The following IQGAP2 variants were observed in gnomAD, a reference collection of about 807,000 sequenced individuals.
IQGAP2 encodes the protein IQ motif containing GTPase activating protein 2.
IQGAP2 carries 173 observed loss-of-function variants against 201.3 expected under a neutral mutation model. The ratio of observed to expected loss-of-function variants is 0.86; its 90% CI spans 0.76 to 0.98. IQGAP2 has a LOEUF of 0.98. Among genes scored for constraint, IQGAP2 ranks in the 50% least tolerant of loss-of-function variants. The probability of loss-of-function intolerance (pLI) is 0.00; values close to 1 mark genes in which losing one functional copy is unlikely to be tolerated. For synonymous variants in IQGAP2, 675 were observed against 673.9 expected, an observed-to-expected ratio of 1.00 and a Z score of -0.03; for missense variants, 1,687 against 1,864.8, an observed-to-expected ratio of 0.90 and a Z score of 1.76.
At chr5:76,426,066 A>G (rs1751977214) in intron 1 of IQGAP2, among the ~76,000 whole-genome samples, 1 of 152,194 alleles carries the variant, frequency 6.6e-6, no homozygotes, top group African/African-American at 2.4e-5. Context: ...GTTTCCCTTC[A>G]TCGGCATCCA....
At chr5:76,628,780 A>G (rs1423750039) in intron 14 of IQGAP2, 5 of 453,176 alleles carry the variant, frequency 1.1e-5, no homozygotes, top group Admixed American at 2.4e-5. Context: ...CTGAACTTTT[A>G]TTCCCTAAGG....
At chr5:76,651,131 A>G in intron 17 of IQGAP2, among the ~76,000 whole-genome samples, 1 of 152,286 alleles carries the variant, frequency 6.6e-6, no homozygotes, top group African/African-American at 2.4e-5. Flanking sequence ...GAATTTTCCC[A>G]AAATTACTCT....
chr5:76,516,027 C>A (rs1758298554), intron 2 of IQGAP2, among the ~76,000 whole-genome samples: 1 of 151,782 alleles, frequency 6.6e-6, no homozygotes, highest in African/African-American at 2.4e-5. Context: ...ATGCGTGTGC[C>A]ACCATGCCTG....
At chr5:76,543,261 TTC>T (rs1742893311) in intron 2 of IQGAP2, among the ~76,000 whole-genome samples, 1 of 151,956 alleles carries the variant, frequency 6.6e-6, no homozygotes, top group South Asian at 2.1e-4. Context: ...TGGAATAGAG[TTC>T]TCTTATAACC....
At chr5:76,437,975 T>G (rs1203163631) in intron 1 of IQGAP2, among the ~76,000 whole-genome samples, 1 of 150,198 alleles carries the variant, frequency 6.7e-6, no homozygotes, top group Non-Finnish European at 1.5e-5. Flanking sequence ...TGAAGATTTT[T>G]GCATCTATAT....
chr5:76,443,707 A>C (rs1753191801), intron 1 of IQGAP2, among the ~76,000 whole-genome samples: 1 of 152,104 alleles, frequency 6.6e-6, no homozygotes, highest in South Asian at 2.1e-4. Flanking sequence ...GTAAATTAAC[A>C]ATGGCAGCTG....
At chr5:76,551,021 C>T (rs536913822) in intron 2 of IQGAP2, among the ~76,000 whole-genome samples, 14 of 151,470 alleles carry the variant, frequency 9.2e-5, no homozygotes, top group African/African-American at 1.7e-4. Context: ...GGTGGCTGGC[C>T]GGGCAGAGAG....
At chr5:76,445,430 A>G (rs945360863) in intron 1 of IQGAP2, among the ~76,000 whole-genome samples, 4 of 151,066 alleles carry the variant, frequency 2.6e-5, no homozygotes, top group Non-Finnish European at 5.9e-5. Context: ...CTATACAAAC[A>G]TTTTTAAACT....
chr5:76,663,340 G>A (rs1162341206), intron 21 of IQGAP2, among the ~76,000 whole-genome samples: 3 of 152,178 alleles, frequency 2.0e-5, no homozygotes, highest in Non-Finnish European at 2.9e-5. Flanking sequence ...GAGTCCTCAC[G>A]TGGAGGTCCA....
chr5:76,533,168 GT>G lies in IQGAP2; in HGVS notation c.147-29218del, dbSNP rs984373043. Among the ~76,000 whole-genome samples, 22 of 148,970 alleles carry G rather than the reference GT, an allele frequency of 1.5e-4. No individual in the cohort carries two copies. The South Asian group carries it at 1.9e-3, about 13-fold the overall frequency. On this transcript the variant is annotated intron_variant, in intron 2 of 35. Coordinates refer to ENST00000274364, the MANE Select transcript of IQGAP2 (RefSeq NM_006633.5). ...TCTCCTTTTTGAAGGGCAGATGGGT[GT>G]TTTTTTTTTAACTCACTTTGGTATC...
At chr5:76,636,160 C>T (rs6453239) in intron 15 of IQGAP2, among the ~76,000 whole-genome samples, 143,547 of 152,344 alleles carry the variant, frequency 0.94, 67,910 homozygotes, top group African/African-American at 0.98. Context: ...CACTTGAACT[C>T]TGATTTACCT....
intron 5 of IQGAP2, among the ~76,000 whole-genome samples, chr5:76,579,518 C>A (rs1268578370): frequency 6.6e-6 from 1 of 151,844 alleles, no homozygotes; most frequent in Non-Finnish European, 1.5e-5. Context: ...CTGGTCCCCA[C>A]CCCTGCCCCC....
At position 76,611,181 on chromosome 5, in the gene IQGAP2, G is replaced by A. The variant is rs751274959; in HGVS notation, c.1519G>A (p.Gly507Arg). The change falls in exon 13 of 36, where the codon GGA (glycine) becomes AGA (arginine). Residue 507 changes from glycine to arginine, a missense_variant and splice_region_variant. Transcript: ENST00000274364. ...ATACCATGCTAAATCACAGAAACTC[G>A]GAGTAAGTTTTAGTATATCTGTTTC... ...VLYHAKSQKLGDSESVSKVLW... is the reference protein window; with the variant it reads ...VLYHAKSQKLRDSESVSKVLW... The A allele has an allele frequency of 2.1e-5, 33 of 1,606,656 alleles. No homozygotes were observed. The highest frequency in any genetic ancestry group is 6.7e-5 in the African/African-American group (5 of 74,548).
At chr5:76,434,023 T>C (rs1156577526) in intron 1 of IQGAP2, among the ~76,000 whole-genome samples, 1 of 152,194 alleles carries the variant, frequency 6.6e-6, no homozygotes, top group African/African-American at 2.4e-5. Context: ...TACTTTCTTT[T>C]AGAATTGCCA....
At chr5:76,505,779 G>A (rs1026805821) in intron 2 of IQGAP2, among the ~76,000 whole-genome samples, 1 of 152,036 alleles carries the variant, frequency 6.6e-6, no homozygotes, top group African/African-American at 2.4e-5. Flanking sequence ...TGTCTCTTTA[G>A]ACCATATTTA....
intron 2 of IQGAP2, among the ~76,000 whole-genome samples, chr5:76,552,514 C>A (rs1182404509): frequency 1.3e-5 from 2 of 152,214 alleles, no homozygotes; most frequent in African/African-American, 4.8e-5. Flanking sequence ...GCAAGGAAAG[C>A]ACAACAGGCT....
Position 76,707,511 on chromosome 5 carries a change from A to G in IQGAP2, c.*198A>G. On this transcript the variant is annotated 3_prime_UTR_variant, in exon 36 of 36. Transcript: ENST00000274364. ...CTATAATAGAATGAGACATAAAATGAATTAATGGAAACATATCCACACTGT... is the reference window on the plus strand; with the variant it reads ...CTATAATAGAATGAGACATAAAATGGATTAATGGAAACATATCCACACTGT... 1.8e-6 allele frequency: 1 copy of G among 552,014 alleles called. No homozygotes were observed. Among genetic ancestry groups the G allele is most frequent in the Non-Finnish European group, 3.2e-6 (1 of 312,138 alleles). 34.2% of individuals were successfully genotyped at this position (552,014 alleles called of 1,614,324 possible). A position where few individuals can be genotyped will look rare whatever the true frequency, so the allele number is the denominator to read the frequency against.
Position 76,654,922 on chromosome 5 carries a change from A to G in IQGAP2, c.2251-12A>G, listed in dbSNP as rs930416652. On this transcript the variant is annotated splice_polypyrimidine_tract_variant and intron_variant, in intron 19 of 35. Coordinates refer to ENST00000274364, the MANE Select transcript of IQGAP2 (RefSeq NM_006633.5). ...ACTCTGGGAGATCAAGACTTGTCTT[A>G]ATCTTTTGCAGAATAATGAAATTGT... 58 of 1,580,982 alleles carry G rather than the reference A, an allele frequency of 3.7e-5. No individual in the cohort carries two copies. Among genetic ancestry groups the G allele is most frequent in the Non-Finnish European group, 4.8e-5 (55 of 1,150,456 alleles).
chr5:76,553,215 C>T (rs1743684773), intron 2 of IQGAP2, among the ~76,000 whole-genome samples: 1 of 152,066 alleles, frequency 6.6e-6, no homozygotes, highest in Non-Finnish European at 1.5e-5. Flanking sequence ...CCTGTTGACA[C>T]AGAAGGTGGA....
Sources: gnomAD v4.1 joint callset for allele counts (sites outside exome capture counted in the v4.1 genomes callset) on GRCh38, gnomAD v4.1.1 for gene constraint, MANE v1.5 for transcripts, NCBI Gene and HGNC (gene_info 2026-07-23, HGNC 2026-07-21) for gene names.